The following FOXP1 variants were observed in gnomAD, a reference collection of about 807,000 sequenced individuals.
The protein encoded by FOXP1 is forkhead box P1.
Under a neutral mutation model 98.2 loss-of-function variants are expected in FOXP1, and 15 were observed. That is an observed-to-expected ratio of 0.15 (90% CI 0.10 to 0.24). The LOEUF is 0.24. FOXP1 is among the 10% of genes least tolerant of loss of function. The pLI is 1.00. For missense variants in FOXP1, 633 were observed against 848.5 expected, an observed-to-expected ratio of 0.75 and a Z score of 3.15; for synonymous variants, 371 against 314.5, an observed-to-expected ratio of 1.18 and a Z score of -1.90.
At chr3:71,285,963 G>A (rs2072076131) in intron 5 of FOXP1, among the ~76,000 whole-genome samples, 1 of 152,174 alleles carries the variant, frequency 6.6e-6, no homozygotes, top group East Asian at 1.9e-4. Flanking sequence ...AATAGGGATA[G>A]GTTCTGAGAA....
intron 3 of FOXP1, among the ~76,000 whole-genome samples, chr3:71,464,230 C>G (rs977225385): frequency 6.6e-6 from 1 of 152,146 alleles, no homozygotes; most frequent in African/African-American, 2.4e-5. Flanking sequence ...GAGCCATAAT[C>G]GTATCACTGC....
intron 5 of FOXP1, among the ~76,000 whole-genome samples, chr3:71,270,451 G>C (rs1371504031): frequency 6.6e-6 from 1 of 152,182 alleles, no homozygotes; most frequent in African/African-American, 2.4e-5. Context: ...TACAGGAATG[G>C]AGGAGGAGAG....
At chr3:71,241,212 AAAAAC>A (rs921405381) in intron 5 of FOXP1, among the ~76,000 whole-genome samples, 9 of 150,724 alleles carry the variant, frequency 6.0e-5, no homozygotes, top group Admixed American at 2.0e-4. Context: ...TCCATCTCAA[AAAAAC>A]AAAACAAAAC....
chr3:71,050,995 A>ACAATAAT (rs2049809264), intron 9 of FOXP1, among the ~76,000 whole-genome samples: 2 of 152,188 alleles, frequency 1.3e-5, no homozygotes, highest in African/African-American at 4.8e-5. Context: ...TTTTGACCGC[A>ACAATAAT]CAATAATCAT....
At chr3:71,420,247 G>A (rs907958145) in intron 3 of FOXP1, among the ~76,000 whole-genome samples, 2 of 152,052 alleles carry the variant, frequency 1.3e-5, no homozygotes, top group South Asian at 2.1e-4. Flanking sequence ...AAAATATTAG[G>A]TATATTATAC....
intron 12 of FOXP1, among the ~76,000 whole-genome samples, chr3:71,003,222 C>G (rs1399619246): frequency 6.6e-6 from 1 of 152,210 alleles, no homozygotes; most frequent in Non-Finnish European, 1.5e-5. Context: ...TACTTGATTA[C>G]TCCGCTAGCA....
intron 6 of FOXP1, among the ~76,000 whole-genome samples, chr3:71,158,063 G>T (rs2060911378): frequency 7.1e-6 from 1 of 141,706 alleles, no homozygotes; most frequent in South Asian, 2.4e-4. Flanking sequence ...ACTCCAGCCT[G>T]GGTGGGAGGG....
chr3:71,454,747 G>C (rs1364611856), intron 3 of FOXP1, among the ~76,000 whole-genome samples: 1 of 151,776 alleles, frequency 6.6e-6, no homozygotes, highest in Admixed American at 6.6e-5. Context: ...ATATGTAAAA[G>C]TCTGTGGAAT....
At chr3:71,177,122 T>C (rs2061989733) in intron 6 of FOXP1, among the ~76,000 whole-genome samples, 1 of 151,954 alleles carries the variant, frequency 6.6e-6, no homozygotes, top group African/African-American at 2.4e-5. Context: ...ATCAAAGTGT[T>C]TTAGAAACAG....
At chr3:71,020,225 A>G (rs941623265) in intron 11 of FOXP1, among the ~76,000 whole-genome samples, 2 of 152,232 alleles carry the variant, frequency 1.3e-5, no homozygotes, top group African/African-American at 4.8e-5. Flanking sequence ...ACTTGCATGA[A>G]AAGTATAATT....
chr3:71,226,273 G>C (rs1166109898), intron 5 of FOXP1, among the ~76,000 whole-genome samples: 2 of 152,212 alleles, frequency 1.3e-5, no homozygotes, highest in South Asian at 2.1e-4. Flanking sequence ...CTTGAGGTCT[G>C]AAATGGTAAC....
At chr3:71,254,521 A>G (rs1334855972) in intron 5 of FOXP1, among the ~76,000 whole-genome samples, 2 of 152,246 alleles carry the variant, frequency 1.3e-5, no homozygotes, top group African/African-American at 2.4e-5. Flanking sequence ...ATTAATGTTC[A>G]TGATAATACA....
intron 5 of FOXP1, among the ~76,000 whole-genome samples, chr3:71,247,470 G>C (rs538960596): frequency 1.4e-4 from 22 of 152,300 alleles, no homozygotes; most frequent in South Asian, 1.2e-3. Flanking sequence ...TCCAACCTCT[G>C]GGGGAAAGAC....
chr3:71,192,968 T>C (rs1268482291), intron 6 of FOXP1, among the ~76,000 whole-genome samples: 1 of 151,994 alleles, frequency 6.6e-6, no homozygotes, highest in African/African-American at 2.4e-5. Context: ...TATTTCTTTA[T>C]GCTGAAAAGA....
intron 5 of FOXP1, among the ~76,000 whole-genome samples, chr3:71,248,485 G>A (rs2067924520): frequency 6.6e-6 from 1 of 152,178 alleles, no homozygotes; most frequent in African/African-American, 2.4e-5. Context: ...GCTCACGCCT[G>A]TAATCCCAGC....
intron 2 of FOXP1, among the ~76,000 whole-genome samples, chr3:71,502,400 T>A (rs901450742): frequency 6.6e-6 from 1 of 152,242 alleles, no homozygotes; most frequent in Admixed American, 6.5e-5. Context: ...TTGGCTAGGC[T>A]TATCAAGTAT....
intron 5 of FOXP1, among the ~76,000 whole-genome samples, chr3:71,280,881 T>C (rs537870699): frequency 2.6e-5 from 4 of 151,636 alleles, no homozygotes; most frequent in East Asian, 1.9e-4. Flanking sequence ...TTATCCTGTA[T>C]AGGTAAAGAA....
At chr3:71,364,840 A>T (rs1325726115) in intron 3 of FOXP1, among the ~76,000 whole-genome samples, 1 of 152,254 alleles carries the variant, frequency 6.6e-6, no homozygotes, top group Non-Finnish European at 1.5e-5. Flanking sequence ...ATTAACTGTT[A>T]ACTAATTAAT....
At chr3:71,400,380 A>G (rs1378549364) in intron 3 of FOXP1, among the ~76,000 whole-genome samples, 1 of 151,650 alleles carries the variant, frequency 6.6e-6, no homozygotes, top group African/African-American at 2.4e-5. Context: ...TTTTTGAGAC[A>G]GAGTCTCGTT....
Sources: gnomAD v4.1 joint callset for allele counts (sites outside exome capture counted in the v4.1 genomes callset) on GRCh38, gnomAD v4.1.1 for gene constraint, MANE v1.5 for transcripts, NCBI Gene and HGNC (gene_info 2026-07-23, HGNC 2026-07-21) for gene names.